The following TRPM3 variants were observed in gnomAD, a reference collection of about 807,000 sequenced individuals.
TRPM3 encodes the protein transient receptor potential cation channel subfamily M member 3.
A neutral mutation model predicts 181.2 loss-of-function variants in TRPM3; 77 were observed. The ratio of observed to expected loss-of-function variants is 0.42; its 90% CI spans 0.35 to 0.51. TRPM3 has a LOEUF of 0.51. Ranked by LOEUF, TRPM3 falls within the 20% of genes least tolerant of loss-of-function variation. TRPM3 has a pLI of 0.01. For missense variants in TRPM3, 1,759 were observed against 2,196.7 expected (o/e 0.80, Z 3.98); for synonymous variants, 745 against 796.4 (o/e 0.94, Z 1.09).
At chr9:70,571,379 C>T (rs1588604622) in intron 22 of TRPM3, among the ~76,000 whole-genome samples, 1 of 152,110 alleles carries the variant, frequency 6.6e-6, no homozygotes, top group Non-Finnish European at 1.5e-5. Context: ...AAAGGTTTTG[C>T]ACAGCGCCTG....
intron 5 of TRPM3, among the ~76,000 whole-genome samples, chr9:70,839,947 G>A (rs897527373): frequency 6.6e-5 from 10 of 152,098 alleles, no homozygotes; most frequent in African/African-American, 2.4e-4. Flanking sequence ...AGTACATTAA[G>A]CTAGCTGAGA....
intron 9 of TRPM3, among the ~76,000 whole-genome samples, chr9:70,678,387 C>A (rs1462609610): frequency 2.6e-5 from 4 of 152,156 alleles, no homozygotes; most frequent in Non-Finnish European, 5.9e-5. Context: ...CCCGCCTCAA[C>A]CTCCCAAAGT....
intron 1 of TRPM3, among the ~76,000 whole-genome samples, chr9:71,252,347 T>C (rs1216895102): frequency 1.3e-5 from 2 of 152,166 alleles, no homozygotes; most frequent in Non-Finnish European, 2.9e-5. Flanking sequence ...GGACTGTTAT[T>C]GGACATTCTG....
At chr9:71,151,519 T>A (rs535629881) in intron 1 of TRPM3, among the ~76,000 whole-genome samples, 2 of 152,174 alleles carry the variant, frequency 1.3e-5, no homozygotes, top group East Asian at 3.9e-4. Flanking sequence ...GAATACAAAT[T>A]GATAGAACTT....
intron 1 of TRPM3, among the ~76,000 whole-genome samples, chr9:70,948,617 T>G (rs192810606): frequency 3.3e-5 from 5 of 152,314 alleles, no homozygotes; most frequent in Non-Finnish European, 5.9e-5. Context: ...TTCAAAAGCA[T>G]GGTCATTGGA....
chr9:71,028,847 A>G (rs150851408), intron 1 of TRPM3, among the ~76,000 whole-genome samples: 13 of 152,228 alleles, frequency 8.5e-5, no homozygotes, highest in Admixed American at 5.9e-4. Context: ...TCAACACCCC[A>G]CTGACAGTGT....
chr9:71,303,630 G>C (rs934085185), intron 1 of TRPM3, among the ~76,000 whole-genome samples: 1 of 152,122 alleles, frequency 6.6e-6, no homozygotes, highest in African/African-American at 2.4e-5. Context: ...GAGGGACAGA[G>C]GAGAGAAATC....
chr9:71,223,045 CTGGGGG>C (rs2080340915), intron 1 of TRPM3, among the ~76,000 whole-genome samples: 1 of 151,318 alleles, frequency 6.6e-6, no homozygotes. Flanking sequence ...GGGCTAGGGG[CTGGGGG>C]TGGTGGGCAT....
chr9:71,197,071 C>A (rs1202181417), intron 1 of TRPM3, among the ~76,000 whole-genome samples: 1 of 152,108 alleles, frequency 6.6e-6, no homozygotes, highest in African/African-American at 2.4e-5. Context: ...CTTCCTGTGT[C>A]CATGTGTTCT....
chr9:71,256,645 G>A (rs768007621), intron 1 of TRPM3, among the ~76,000 whole-genome samples: 1 of 152,086 alleles, frequency 6.6e-6, no homozygotes, highest in Non-Finnish European at 1.5e-5. Flanking sequence ...TTTCAGATAG[G>A]GAGGAATGCA....
Position 71,035,025 on chromosome 9 carries a change from C to T in TRPM3, c.177+86153G>A, listed in dbSNP as rs118128064. ...CCTCGAGCTTATTCCTTGTTTACAGCGGCAATTTGTAACTAATCCCATCCT... is the reference window on the plus strand; with the variant it reads ...CCTCGAGCTTATTCCTTGTTTACAGTGGCAATTTGTAACTAATCCCATCCT... On this transcript the variant is annotated intron_variant, in intron 1 of 25. Transcript: ENST00000677713. Among the ~76,000 whole-genome samples, 96 of 152,184 alleles carry T rather than the reference C, an allele frequency of 6.3e-4. No individual in the cohort carries two copies. In the East Asian group the frequency reaches 0.015, roughly 24 times the overall value.
intron 1 of TRPM3, among the ~76,000 whole-genome samples, chr9:70,914,744 C>G (rs747797063): frequency 2.0e-4 from 31 of 152,132 alleles, no homozygotes; most frequent in Non-Finnish European, 4.3e-4. Flanking sequence ...CTAGGTGACT[C>G]AGAACGGAGA....
At chr9:70,891,529 T>G (rs2096202944) in intron 1 of TRPM3, among the ~76,000 whole-genome samples, 1 of 152,306 alleles carries the variant, frequency 6.6e-6, no homozygotes, top group Middle Eastern at 3.4e-3. Flanking sequence ...GTTTTTTGTG[T>G]GAAAGTCCTC....
chr9:70,794,758 C>T (rs2086569915), intron 6 of TRPM3, among the ~76,000 whole-genome samples: 1 of 152,202 alleles, frequency 6.6e-6, no homozygotes, highest in Non-Finnish European at 1.5e-5. Flanking sequence ...TATCTCCCTG[C>T]TACTGTAAAC....
chr9:70,605,843 C>T (rs552627943), intron 19 of TRPM3, among the ~76,000 whole-genome samples: 2 of 152,298 alleles, frequency 1.3e-5, no homozygotes, highest in African/African-American at 4.8e-5. Flanking sequence ...TATCATTTTG[C>T]CCAAATGATT....
At chr9:70,616,879 A>T (rs548550407) in intron 17 of TRPM3, among the ~76,000 whole-genome samples, 12 of 152,162 alleles carry the variant, frequency 7.9e-5, no homozygotes, top group Non-Finnish European at 1.8e-4. Flanking sequence ...AGAATGAACA[A>T]GTGTGTTTCT....
In TRPM3 at chr9:71,399,472, CTT is replaced by C. The variant is rs567520314; in HGVS notation, c.183+47179_183+47180del. Reference sequence around the variant, plus strand: ...CAAGGGAATCTATAAAGTAAGCTATCTTTGGATAATTTAAAGATAGATGATAT... The same window carrying C: ...CAAGGGAATCTATAAAGTAAGCTATCTGGATAATTTAAAGATAGATGATAT... On this transcript the variant is annotated intron_variant, in intron 1 of 24. Transcript: ENST00000357533. 2.0e-3 allele frequency among the ~76,000 whole-genome samples: 289 copies of C among 147,466 alleles called. 1 individual carries two copies. Among genetic ancestry groups the C allele is most frequent in the African/African-American group, 6.9e-3 (277 of 40,196 alleles).
chr9:70,993,806 G>T (rs72731742), intron 1 of TRPM3, among the ~76,000 whole-genome samples: 1 of 28,710 alleles, frequency 3.5e-5, no homozygotes, highest in Non-Finnish European at 6.2e-5. Flanking sequence ...AAAAAAAAAA[G>T]AAAGAAAGAA....
chr9:71,107,420 G>A (rs1275472287), intron 1 of TRPM3, among the ~76,000 whole-genome samples: 1 of 152,040 alleles, frequency 6.6e-6, no homozygotes, highest in Non-Finnish European at 1.5e-5. Context: ...GCCTGTATTT[G>A]GTGTTTCTAT....
Sources: allele counts gnomAD v4.1 joint callset (sites outside exome capture counted in the v4.1 genomes callset), GRCh38; gene constraint gnomAD v4.1.1; transcripts MANE v1.5; gene names NCBI Gene and HGNC (gene_info 2026-07-23, HGNC 2026-07-21).